Variants in ZMYND11 observed in about 807,000 individuals in gnomAD.
ZMYND11 encodes the protein zinc finger MYND domain-containing protein 11.
In ZMYND11, 9 loss-of-function variants were observed where a neutral mutation model predicts 84.9. That is an observed-to-expected ratio of 0.11 (90% CI 0.06 to 0.18). ZMYND11 has a LOEUF of 0.18. ZMYND11 is among the 10% of genes least tolerant of loss of function. The pLI, the probability that ZMYND11 is intolerant of heterozygous loss-of-function variation, is 1.00. For missense variants in ZMYND11, 409 were observed against 761.0 expected (o/e 0.54, Z 5.44); for synonymous variants, 250 against 244.1 (o/e 1.02, Z -0.23).
chr10:249,096 C>A lies in ZMYND11; in HGVS notation c.1686+8C>A, dbSNP rs763770189. ...ACCAAGAAGAAGCAGTGGGTAAATACCAGTCTTTTTTAGACCCTTATTTCT... is the reference window on the plus strand; with the variant it reads ...ACCAAGAAGAAGCAGTGGGTAAATAACAGTCTTTTTTAGACCCTTATTTCT... On this transcript the variant is annotated splice_region_variant and intron_variant, in intron 14 of 14. Transcript: ENST00000381604. 6.2e-7 allele frequency: 1 copy of A among 1,613,958 alleles called. No individual in the cohort carries two copies. The highest frequency in any genetic ancestry group is 1.3e-5 in the African/African-American group (1 of 74,908).
intron 2 of ZMYND11, among the ~76,000 whole-genome samples, chr10:207,758 G>GC (rs1321315696): frequency 6.6e-6 from 1 of 152,080 alleles, no homozygotes; most frequent in African/African-American, 2.4e-5. Context: ...TCCCCATCAA[G>GC]CTACCAATGA....
intron 4 of ZMYND11, among the ~76,000 whole-genome samples, chr10:234,471 G>GTGTT (rs1169398213): frequency 2.6e-5 from 4 of 152,240 alleles, no homozygotes; most frequent in African/African-American, 7.2e-5. Context: ...CTACATAACA[G>GTGTT]TGTTGGTTGT....
At chr10:251,022 C>T (rs1953366505) in intron 14 of ZMYND11, among the ~76,000 whole-genome samples, 1 of 152,166 alleles carries the variant, frequency 6.6e-6, no homozygotes, top group Non-Finnish European at 1.5e-5. Context: ...GACTCACTCT[C>T]AAAGAATCAA....
At position 212,089 on chromosome 10, in the gene ZMYND11, A is replaced by G. The variant is rs140584787; in HGVS notation, c.276+2041A>G. 4.7e-3 allele frequency among the ~76,000 whole-genome samples: 710 copies of G among 152,276 alleles called. 4 individuals are homozygous for G. The highest frequency in any genetic ancestry group is 0.016 in the African/African-American group (683 of 41,560). ...TCTATAGGATTTTGGTTTGTGGATC[A>G]TGTGTACATTTTTTCATAAAAGCGA... On this transcript the variant is annotated intron_variant, in intron 3 of 14. Transcript: ENST00000381604.
At chr10:219,115 T>C (rs1275433679) in intron 3 of ZMYND11, among the ~76,000 whole-genome samples, 1 of 152,172 alleles carries the variant, frequency 6.6e-6, no homozygotes, top group Non-Finnish European at 1.5e-5. Flanking sequence ...TTCATTTCTG[T>C]AATTGGTTAT....
intron 2 of ZMYND11, among the ~76,000 whole-genome samples, chr10:200,541 T>A (rs1209293153): frequency 6.6e-6 from 1 of 151,700 alleles, no homozygotes. Flanking sequence ...CCTCCCAAAG[T>A]GCTGAGATTA....
At position 254,531 on chromosome 10, in the gene ZMYND11, T is replaced by C. The variant is rs569751345; in HGVS notation, c.*2061T>C. On this transcript the variant is annotated 3_prime_UTR_variant, in exon 15 of 15. Transcript: ENST00000381604. The stretch of plus-strand genomic sequence containing the variant: ...ACATTGTAATTATTCATTGTGGCTG[T>C]CCAGTTCTATGATGCATTCTGGCAT... The C allele has an allele frequency of 6.5e-6, 1 of 152,674 alleles. No homozygotes were observed. The highest frequency in any genetic ancestry group is 1.5e-5 in the Non-Finnish European group (1 of 68,042). The allele number at this position is 152,674 out of a possible 1,614,324, so 9.5% of individuals were successfully genotyped here.
intron 6 of ZMYND11, among the ~76,000 whole-genome samples, chr10:238,417 T>C (rs939436625): frequency 7.9e-5 from 12 of 151,974 alleles, no homozygotes; most frequent in African/African-American, 2.9e-4. Context: ...AGTGCAGTGG[T>C]GTGATCTTGG....
intron 2 of ZMYND11, among the ~76,000 whole-genome samples, chr10:201,585 T>TACACAC (rs56058145): frequency 7.0e-4 from 102 of 146,026 alleles, no homozygotes; most frequent in Non-Finnish European, 8.7e-4. Flanking sequence ...TACCATGAAA[T>TACACAC]ACACACACAC....
chr10:209,449 T>C (rs1295768002), intron 2 of ZMYND11, among the ~76,000 whole-genome samples: 2 of 152,210 alleles, frequency 1.3e-5, no homozygotes, highest in East Asian at 3.8e-4. Context: ...TCCTAAGTTT[T>C]AGGTAAAAGT....
chr10:180,096 G>A lies in ZMYND11; in HGVS notation c.84G>A (p.Gln28=). 2 of 1,613,382 alleles carry A rather than the reference G, an allele frequency of 1.2e-6. No homozygotes were observed. Among genetic ancestry groups the A allele is most frequent in the Non-Finnish European group, 1.7e-6 (2 of 1,179,554 alleles). ...CAGCCATTGAGATTATACGGAACCAGAAGCAGATTGCCAACATTGACCGTA... is the reference window on the plus strand; with the variant it reads ...CAGCCATTGAGATTATACGGAACCAAAAGCAGATTGCCAACATTGACCGTA... ...LWAAIEIIRN[Q]KQIANIDRIT... is the part of the protein sequence containing the mutation. The change falls in exon 2 of 15, where the codon CAG becomes CAA. Residue 28 remains glutamine, a synonymous_variant. Coordinates refer to ENST00000381604, the MANE Select transcript of ZMYND11 (RefSeq NM_001370100.5).
intron 1 of ZMYND11, among the ~76,000 whole-genome samples, chr10:172,588 G>A: frequency 6.6e-6 from 1 of 151,304 alleles, no homozygotes; most frequent in South Asian, 2.1e-4. Context: ...GAGCTCTGAT[G>A]ATAGAGATAA....
intron 2 of ZMYND11, among the ~76,000 whole-genome samples, chr10:193,825 A>G (rs988061525): frequency 6.6e-6 from 1 of 152,186 alleles, no homozygotes. Flanking sequence ...GAATGGAAAC[A>G]TATTATTTTC....
At chr10:143,873 T>G (rs1838052665) in intron 1 of ZMYND11, among the ~76,000 whole-genome samples, 1 of 152,132 alleles carries the variant, frequency 6.6e-6, no homozygotes, top group South Asian at 2.1e-4. Flanking sequence ...GTCAGGTAGC[T>G]CACGCCTGTC....
intron 14 of ZMYND11, among the ~76,000 whole-genome samples, chr10:250,433 TGCAGAGAG>T (rs1337033058): frequency 6.6e-6 from 1 of 152,194 alleles, no homozygotes; most frequent in Non-Finnish European, 1.5e-5. Context: ...AGTGCAAGGT[TGCAGAGAG>T]GTGTCATTGC....
intron 1 of ZMYND11, among the ~76,000 whole-genome samples, chr10:143,188 A>G (rs1554754352): frequency 2.6e-5 from 4 of 152,178 alleles, no homozygotes; most frequent in Non-Finnish European, 5.9e-5. Flanking sequence ...ATAAAATAAT[A>G]CCATTTTGTG....
chr10:241,904 GTTATGAAAGAAATATTTTAGAAAT>G, intron 9 of ZMYND11, 93 bp from the exon 10 acceptor site: 1 of 1,293,628 alleles, frequency 7.7e-7, no homozygotes, highest in Non-Finnish European at 1.1e-6. Context: ...GTGTTTAGGA[GTTATGAAAGAAATATTTTAGAAAT>G]AATGGATTAT....
chr10:138,298 G>T (rs879985232), intron 1 of ZMYND11, among the ~76,000 whole-genome samples: 2 of 151,316 alleles, frequency 1.3e-5, no homozygotes, highest in Non-Finnish European at 2.9e-5. Flanking sequence ...TTTAGTAGGG[G>T]GCCGGGGTGG....
At chr10:144,882 A>G (rs1180205933) in intron 1 of ZMYND11, among the ~76,000 whole-genome samples, 3 of 149,948 alleles carry the variant, frequency 2.0e-5, no homozygotes, top group East Asian at 1.9e-4. Context: ...TATTTTTAAA[A>G]TATTAAATAT....
Sources: gnomAD v4.1 joint callset for allele counts (sites outside exome capture counted in the v4.1 genomes callset) on GRCh38, gnomAD v4.1.1 for gene constraint, MANE v1.5 for transcripts, NCBI Gene and HGNC (gene_info 2026-07-23, HGNC 2026-07-21) for gene names.